Variants in PLPPR3 observed in about 807,000 individuals in gnomAD.
The protein encoded by PLPPR3 is phospholipid phosphatase-related protein type 3.
In PLPPR3, 14 loss-of-function variants were observed where a neutral mutation model predicts 27.3. The observed-to-expected ratio is 0.51, with a 90% CI of 0.34 to 0.80. The LOEUF (loss-of-function observed/expected upper bound fraction) is 0.80. Ranked by LOEUF, PLPPR3 falls within the 30% of genes least tolerant of loss-of-function variation. The probability of loss-of-function intolerance (pLI) is 0.01; values close to 1 mark genes in which losing one functional copy is unlikely to be tolerated. For missense variants in PLPPR3, 1,287 were observed against 1,056.9 expected (o/e 1.22, Z -3.02); for synonymous variants, 671 against 508.0 (o/e 1.32, Z -4.32).
In PLPPR3 at chr19:812,541, G is replaced by GGGGCCCCCCCC; in HGVS notation, c.*28_*29insGGGGGGGGCCC. The GGGGCCCCCCCC allele has an allele frequency of 1.6e-6, 1 of 617,394 alleles. No individual in the cohort carries two copies. The allele number at this position is 617,394 out of a possible 1,614,324, so 38.2% of individuals were successfully genotyped here. On this transcript the variant is annotated 3_prime_UTR_variant, in exon 8 of 8. Transcript: ENST00000520876. Reference sequence around the variant, plus strand: ...GCGCGGCCGCCCGCGCCCTCGGCCCGCCCCCCGCCCGCCCCCGGCCCCGCC... The same window carrying GGGGCCCCCCCC: ...GCGCGGCCGCCCGCGCCCTCGGCCCGGGGCCCCCCCCCCCCCCGCCCGCCCCCGGCCCCGCC...
chr19:814,009 T>C (rs987847161), intron 7 of PLPPR3, 114 bp from the exon 8 acceptor site: 5 of 1,018,760 alleles, frequency 4.9e-6, no homozygotes, highest in East Asian at 5.7e-5. Context: ...GGCAAGCTCT[T>C]GTCCAGTGGG....
In PLPPR3 at chr19:815,298, A is replaced by G. The variant is rs1268871783; in HGVS notation, c.291T>C (p.Cys97=). Residue 97 remains cysteine, a synonymous_variant, in exon 4 of 8, where the codon TGT becomes TGC. Transcript: ENST00000520876. ...CACGGCCCCACAGCCGGGACTGCAG[A>G]CAGTACAACATGCCCTCGGCCACCA... ...SIMVAEGMLY[C]LQSRLWGRAG... is the part of the protein sequence containing the mutation. 13 of 1,549,272 alleles carry G rather than the reference A, an allele frequency of 8.4e-6. No individual in the cohort carries two copies. The highest frequency in any genetic ancestry group is 2.0e-5 in the Admixed American group (1 of 51,118).
chr19:813,084 G>T lies in PLPPR3; in HGVS notation c.1643C>A (p.Ala548Glu). The change falls in exon 8 of 8, where the codon GCG (alanine) becomes GAG (glutamate). Residue 548 changes from alanine to glutamate, a missense_variant. Transcript: ENST00000520876. This position sits in a 1 kb window ranked among gnomAD's most constrained non-coding sequence, Gnocchi z 4.1. ...QVIAMSKAPG[A>E]PGPKAAETAS... ...CGTCTCGGCCGCCTTGGGGCCCGGCGCGCCCGGAGCCTTGGACATGGCGAT... is the reference window on the plus strand; with the variant it reads ...CGTCTCGGCCGCCTTGGGGCCCGGCTCGCCCGGAGCCTTGGACATGGCGAT... 1 of 1,495,994 alleles carries T rather than the reference G, an allele frequency of 6.7e-7. No homozygotes were observed. The highest frequency in any genetic ancestry group is 8.8e-7 in the Non-Finnish European group (1 of 1,133,642). 92.7% of individuals were successfully genotyped at this position (1,495,994 alleles called of 1,614,324 possible).
At chr19:816,282 C>T (rs2035051531) in intron 2 of PLPPR3, among the ~76,000 whole-genome samples, 1 of 148,048 alleles carries the variant, frequency 6.8e-6, no homozygotes, top group Non-Finnish European at 1.5e-5. Context: ...ATCCATCATC[C>T]ACCCATGCAG....
chr19:816,111 G>A (rs941932590), intron 2 of PLPPR3, among the ~76,000 whole-genome samples: 6 of 151,018 alleles, frequency 4.0e-5, no homozygotes, highest in African/African-American at 7.3e-5. Context: ...CCCACTCACC[G>A]ACCCATCACC....
chr19:815,206 C>T lies in PLPPR3; in HGVS notation c.383G>A (p.Arg128Gln), dbSNP rs150002055. ...CTCACCCACAAACCGCACCGTACGC[C>T]GCAGGAAGGAGTTGAAGTTGCAGCC... ...AGGCNFNSFLRRTVRFVGVHV... is the reference protein window; with the variant it reads ...AGGCNFNSFLQRTVRFVGVHV... Residue 128 changes from arginine (R) to glutamine (Q), a missense_variant, in exon 4 of 8, where the codon CGG (arginine) becomes CAG (glutamine). Transcript: ENST00000520876. 1.6e-5 allele frequency: 26 copies of T among 1,602,790 alleles called. No homozygotes were observed. Among genetic ancestry groups the T allele is most frequent in the Non-Finnish European group, 2.1e-5 (25 of 1,177,694 alleles).
At position 813,085 on chromosome 19, in the gene PLPPR3, C is replaced by T. The variant is rs1314477849; in HGVS notation, c.1642G>A (p.Ala548Thr). Reference protein sequence around the residue: ...QVIAMSKAPGAPGPKAAETAS... With the variant: ...QVIAMSKAPGTPGPKAAETAS... Reference sequence around the variant, plus strand: ...GTCTCGGCCGCCTTGGGGCCCGGCGCGCCCGGAGCCTTGGACATGGCGATG... The same window carrying T: ...GTCTCGGCCGCCTTGGGGCCCGGCGTGCCCGGAGCCTTGGACATGGCGATG... The change falls in exon 8 of 8, where the codon GCG becomes ACG. Residue 548 changes from alanine (A) to threonine (T), a missense_variant. Physicochemically the swap from Ala to Thr is moderately conservative, Grantham distance 58 (BLOSUM62 0). Transcript: ENST00000520876. The surrounding 1 kb of genome is among the most constrained non-coding windows in gnomAD (Gnocchi z 4.1). 4.0e-6 allele frequency: 6 copies of T among 1,495,198 alleles called. No individual in the cohort carries two copies. The East Asian group carries it at 7.8e-5, about 20-fold the overall frequency. The allele number at this position is 1,495,198 out of a possible 1,614,324, so 92.6% of individuals were successfully genotyped here. A position where few individuals can be genotyped will look rare whatever the true frequency, so the allele number is the denominator to read the frequency against.
chr19:821,695 G>T, intron 1 of PLPPR3, 110 bp from the exon 2 acceptor site: 1 of 515,630 alleles, frequency 1.9e-6, no homozygotes, highest in South Asian at 4.1e-5. Context: ...AGGCTGCAGA[G>T]AGCGGCGTCC....
chr19:823,562 G>C (rs914179100), upstream of PLPPR3, among the ~76,000 whole-genome samples: 4 of 152,200 alleles, frequency 2.6e-5, no homozygotes, highest in African/African-American at 9.7e-5. Flanking sequence ...CCATAAATGC[G>C]GAAACAGTTA....
rs1420249624 is a variant in PLPPR3, at chr19:813,673, C to A, written c.1054G>T (p.Ala352Ser). 3 of 1,534,190 alleles carry A rather than the reference C, an allele frequency of 2.0e-6. No homozygotes were observed. Among genetic ancestry groups the A allele is most frequent in the Non-Finnish European group, 1.7e-6 (2 of 1,144,770 alleles). ...EKTSLGSLKR[A>S]SVDVDLLAPR... ...GCCAGCAGGTCCACGTCCACGCTGG[C>A]GCGCTTCAGGCTGCCCAGCGAGGTC... The change falls in exon 8 of 8, where the codon GCC becomes TCC. Residue 352 changes from alanine (A) to serine (S), a missense_variant. Ala to Ser is a moderately conservative substitution (Grantham distance 99). Coordinates refer to ENST00000520876, the MANE Select transcript of PLPPR3 (RefSeq NM_001270366.2). The surrounding 1 kb of genome is among the most constrained non-coding windows in gnomAD (Gnocchi z 4.1).
chr19:817,777 G>C (rs917958661), intron 2 of PLPPR3, among the ~76,000 whole-genome samples: 1 of 152,150 alleles, frequency 6.6e-6, no homozygotes, highest in South Asian at 2.1e-4. Flanking sequence ...ATGCAGGCAC[G>C]AGGCCCGGGG....
At position 813,064 on chromosome 19, in the gene PLPPR3, C is replaced by T. The variant is rs1372140647; in HGVS notation, c.1663G>A (p.Glu555Lys). 4 of 1,501,674 alleles carry T rather than the reference C, an allele frequency of 2.7e-6. No homozygotes were observed. The highest frequency in any genetic ancestry group is 2.6e-6 in the Non-Finnish European group (3 of 1,135,818). 93.0% of individuals were successfully genotyped at this position (1,501,674 alleles called of 1,614,324 possible). A position where few individuals can be genotyped will look rare whatever the true frequency, so the allele number is the denominator to read the frequency against. ...CTGGCGCTGGACGACGACGCCGTCT[C>T]GGCCGCCTTGGGGCCCGGCGCGCCC... ...APGAPGPKAA[E>K]TASSSSASSD... The change falls in exon 8 of 8, where the codon GAG becomes AAG. Residue 555 changes from glutamate (E) to lysine (K), a missense_variant. Physicochemically the swap from Glu to Lys is moderately conservative, Grantham distance 56. Transcript: ENST00000520876. The surrounding 1 kb of genome is among the most constrained non-coding windows in gnomAD (Gnocchi z 4.1).
chr19:813,194 G>C lies in PLPPR3; in HGVS notation c.1533C>G (p.Ser511Arg). The stretch of plus-strand genomic sequence containing the variant: ...GCCACTTGGCGCGCACCCCGGCGCC[G>C]CTTTTGGGGGACAGGCCGGCCCCCG... ...AQTGAGLSPKSGAGVRAKWLM... is the reference protein window; with the variant it reads ...AQTGAGLSPKRGAGVRAKWLM... The change falls in exon 8 of 8, where the codon AGC becomes AGG. Residue 511 changes from serine to arginine, a missense_variant. Coordinates refer to ENST00000520876, the MANE Select transcript of PLPPR3 (RefSeq NM_001270366.2). This position sits in a 1 kb window ranked among gnomAD's most constrained non-coding sequence, Gnocchi z 4.1. 1.3e-6 allele frequency: 2 copies of C among 1,507,188 alleles called. No homozygotes were observed. The highest frequency in any genetic ancestry group is 2.2e-5 in the Admixed American group (1 of 45,720). The allele number at this position is 1,507,188 out of a possible 1,614,324, so 93.4% of individuals were successfully genotyped here. A position where few individuals can be genotyped will look rare whatever the true frequency, so the allele number is the denominator to read the frequency against.
At chr19:817,787 G>A (rs1054567778) in intron 2 of PLPPR3, among the ~76,000 whole-genome samples, 1 of 152,160 alleles carries the variant, frequency 6.6e-6, no homozygotes, top group East Asian at 1.9e-4. Flanking sequence ...GAGGCCCGGG[G>A]CAGACGCGGA....
upstream of PLPPR3, among the ~76,000 whole-genome samples, chr19:822,966 A>G (rs918298754): frequency 2.6e-5 from 4 of 151,770 alleles, no homozygotes; most frequent in African/African-American, 9.7e-5. Flanking sequence ...TAAAAATACA[A>G]AAATTTTTAG....
At chr19:819,542 G>A (rs2035115082) in intron 2 of PLPPR3, among the ~76,000 whole-genome samples, 1 of 151,918 alleles carries the variant, frequency 6.6e-6, no homozygotes, top group African/African-American at 2.4e-5. Flanking sequence ...CGCCCACCTC[G>A]GCCTCCCAAA....
Position 812,547 on chromosome 19 carries a change from C to A in PLPPR3, c.*23G>T, listed in dbSNP as rs1291039042. On this transcript the variant is annotated 3_prime_UTR_variant, in exon 8 of 8. Transcript: ENST00000520876. ...CCGCCCGCGCCCTCGGCCCGCCCCC[C>A]GCCCGCCCCCGGCCCCGCCGCGCTA... The A allele has an allele frequency of 2.0e-6, 2 of 979,356 alleles. No individual in the cohort carries two copies. Among genetic ancestry groups the A allele is most frequent in the South Asian group, 4.5e-5 (1 of 22,300 alleles). The allele number at this position is 979,356 out of a possible 1,614,324, so 60.7% of individuals were successfully genotyped here.
At chr19:823,223 C>T (rs1259830142), upstream of PLPPR3, among the ~76,000 whole-genome samples, 2 of 151,934 alleles carry the variant, frequency 1.3e-5, no homozygotes, top group Non-Finnish European at 2.9e-5. Context: ...GGGAGGATCC[C>T]TTGAGGCCAG....
Position 814,933 on chromosome 19 carries a change from C to T in PLPPR3, c.552G>A (p.Thr184=), listed in dbSNP as rs1381177819. The T allele has an allele frequency of 3.7e-6, 6 of 1,612,210 alleles. No homozygotes were observed. Among genetic ancestry groups the T allele is most frequent in the African/African-American group, 1.3e-5 (1 of 75,030 alleles). The change falls in exon 5 of 8, where the codon ACG becomes ACA. Residue 184 remains threonine, a synonymous_variant. Coordinates refer to ENST00000520876, the MANE Select transcript of PLPPR3 (RefSeq NM_001270366.2). ...TGTCGTGGCCGGAGCAGATGTCCTGCGTGATGTAGGGGTTGACCTCGCAGG... is the reference window on the plus strand; with the variant it reads ...TGTCGTGGCCGGAGCAGATGTCCTGTGTGATGTAGGGGTTGACCTCGCAGG... ...GTSCEVNPYI[T]QDICSGHDIH...
Sources: gnomAD v4.1 joint callset for allele counts (sites outside exome capture counted in the v4.1 genomes callset) on GRCh38, gnomAD v4.1.1 for gene constraint, Gnocchi (gnomAD v3.1) non-coding constraint, MANE v1.5 for transcripts, NCBI Gene and HGNC (gene_info 2026-07-23, HGNC 2026-07-21) for gene names.